The following ANTXR2 variants were observed in gnomAD, a reference collection of about 807,000 sequenced individuals.
ANTXR2 encodes ANTXR cell adhesion molecule 2, also known as anthrax toxin receptor 2.
Under a neutral mutation model 73.7 loss-of-function variants are expected in ANTXR2, and 44 were observed. The observed-to-expected ratio is 0.60, with a 90% CI of 0.47 to 0.77. The LOEUF is 0.77. Among genes scored for constraint, ANTXR2 ranks in the 30% least tolerant of loss-of-function variants. ANTXR2 has a pLI of 0.00. For missense variants in ANTXR2, 604 were observed against 592.5 expected (o/e 1.02, Z -0.20); for synonymous variants, 217 against 205.9 (o/e 1.05, Z -0.46).
At chr4:80,011,275 CTATCTA>C (rs1279018034) in intron 11 of ANTXR2, among the ~76,000 whole-genome samples, 7 of 21,606 alleles carry the variant, frequency 3.2e-4, no homozygotes, top group African/African-American at 6.6e-4. Context: ...GTCTTGCTAT[CTATCTA>C]TCTATCTATC....
At chr4:79,917,676 C>G (rs1342717229) in intron 16 of ANTXR2, among the ~76,000 whole-genome samples, 3 of 151,998 alleles carry the variant, frequency 2.0e-5, no homozygotes, top group African/African-American at 4.8e-5. Flanking sequence ...TACTAGTGAA[C>G]TAAAAATAAG....
intron 16 of ANTXR2, among the ~76,000 whole-genome samples, chr4:79,922,252 T>C (rs1007110921): frequency 2.0e-4 from 31 of 152,096 alleles, no homozygotes; most frequent in African/African-American, 7.5e-4. Flanking sequence ...CAGGGATTTA[T>C]ACTGTAAACA....
chr4:80,048,515 G>GT (rs1733627168), intron 7 of ANTXR2, among the ~76,000 whole-genome samples: 1 of 151,628 alleles, frequency 6.6e-6, no homozygotes, highest in Non-Finnish European at 1.5e-5. Context: ...TCCTATGAAT[G>GT]TATCTTTACA....
chr4:80,058,560 A>G (rs1352323973), intron 3 of ANTXR2, among the ~76,000 whole-genome samples: 1 of 152,030 alleles, frequency 6.6e-6, no homozygotes, highest in East Asian at 1.9e-4. Flanking sequence ...CAGACCCTTG[A>G]AGAATCCCAA....
chr4:79,962,929 C>T (rs1177301403), intron 16 of ANTXR2, among the ~76,000 whole-genome samples: 2 of 152,042 alleles, frequency 1.3e-5, no homozygotes, highest in Non-Finnish European at 2.9e-5. Flanking sequence ...CAGCATAATT[C>T]TAGGTACTGA....
intron 7 of ANTXR2, among the ~76,000 whole-genome samples, chr4:80,053,694 C>T (rs947012175): frequency 9.9e-5 from 15 of 151,646 alleles, no homozygotes; most frequent in African/African-American, 3.6e-4. Context: ...TTTTGCTTTG[C>T]ATTTCATCAC....
In ANTXR2 at chr4:80,067,903, T is replaced by C. The variant is rs1465976401; in HGVS notation, c.296+1533A>G. ...ATAGCTAATGCATGTGATGGGTTGA[T>C]AGATGCAGCAAACTACCACGGCACA... On this transcript the variant is annotated intron_variant, in intron 3 of 16. Transcript: ENST00000403729. 6.6e-5 allele frequency among the ~76,000 whole-genome samples: 10 copies of C among 152,336 alleles called. 1 individual carries two copies. Among genetic ancestry groups the C allele is most frequent in the Admixed American group, 1.3e-4 (2 of 15,304 alleles).
At chr4:79,962,441 C>T (rs566018682) in intron 16 of ANTXR2, among the ~76,000 whole-genome samples, 7 of 152,116 alleles carry the variant, frequency 4.6e-5, no homozygotes, top group South Asian at 2.1e-4. Context: ...ATTTTAAAGA[C>T]GCCCTGAAAG....
rs770332839 is a variant in ANTXR2, at chr4:80,036,041, G to T, written c.637-9C>A. 6 of 1,135,852 alleles carry T rather than the reference G, an allele frequency of 5.3e-6. No homozygotes were observed. Among genetic ancestry groups the T allele is most frequent in the South Asian group, 3.7e-5 (2 of 54,794 alleles). The allele number at this position is 1,135,852 out of a possible 1,614,324, so 70.4% of individuals were successfully genotyped here. On this transcript the variant is annotated splice_polypyrimidine_tract_variant and intron_variant, in intron 7 of 16. Coordinates refer to ENST00000403729, the MANE Select transcript of ANTXR2 (RefSeq NM_058172.6). ...CATGACTGAGCTAGTATCTAAAAAAGAAAAAAAAAAAAGATTACCAAGCTA... is the reference window on the plus strand; with the variant it reads ...CATGACTGAGCTAGTATCTAAAAAATAAAAAAAAAAAAGATTACCAAGCTA...
intron 7 of ANTXR2, among the ~76,000 whole-genome samples, chr4:80,052,085 T>C (rs536516524): frequency 1.3e-4 from 19 of 151,780 alleles, no homozygotes; most frequent in African/African-American, 4.3e-4. Flanking sequence ...ATATTCTGCC[T>C]TCATAGTGCC....
chr4:79,919,602 A>G (rs768246814), intron 16 of ANTXR2, among the ~76,000 whole-genome samples: 1 of 151,844 alleles, frequency 6.6e-6, no homozygotes, highest in African/African-American at 2.4e-5. Flanking sequence ...CATGCTGGAT[A>G]CTTCCTGCCC....
chr4:80,002,712 A>C (rs1422104606), intron 12 of ANTXR2, among the ~76,000 whole-genome samples: 3 of 152,146 alleles, frequency 2.0e-5, no homozygotes, highest in Non-Finnish European at 4.4e-5. Context: ...AAAAATTTAC[A>C]AGAAAAAAAC....
chr4:80,036,091 TA>T, intron 7 of ANTXR2, 59 bp from the exon 8 acceptor site: 1 of 1,344,866 alleles, frequency 7.4e-7, no homozygotes, highest in Non-Finnish European at 1.0e-6. Flanking sequence ...CAATGTGAAG[TA>T]AATTATAAGA....
intron 7 of ANTXR2, among the ~76,000 whole-genome samples, chr4:80,036,715 C>T (rs985937793): frequency 1.3e-5 from 2 of 151,956 alleles, no homozygotes; most frequent in Non-Finnish European, 2.9e-5. Context: ...GCAGGAGAAT[C>T]GCTTTAACAC....
At chr4:79,952,370 T>C (rs912430956) in intron 16 of ANTXR2, among the ~76,000 whole-genome samples, 3 of 151,732 alleles carry the variant, frequency 2.0e-5, no homozygotes, top group Admixed American at 6.6e-5. Flanking sequence ...TGTAATAAAT[T>C]CCTAGCAGGT....
chr4:80,033,845 C>T (rs1018648850), intron 8 of ANTXR2, among the ~76,000 whole-genome samples: 2 of 151,944 alleles, frequency 1.3e-5, no homozygotes, highest in East Asian at 3.9e-4. Context: ...AGGTATAGAA[C>T]AGAAGCATTA....
chr4:79,965,065 A>G (rs1435226683), intron 16 of ANTXR2: 1 of 137,454 alleles, frequency 7.3e-6, no homozygotes, highest in Non-Finnish European at 1.6e-5. Context: ...TTCTTCCACA[A>G]ACGTGCCCGG....
chr4:79,966,828 G>T lies in ANTXR2; in HGVS notation c.1428+10793C>A, dbSNP rs889500065. Among the ~76,000 whole-genome samples, 10 of 152,244 alleles carry T rather than the reference G, an allele frequency of 6.6e-5. No individual in the cohort carries two copies. In the East Asian group the frequency reaches 1.3e-3, roughly 21 times the overall value. ...TACCATGATTAAATGGCCTGTGATT[G>T]CTGCACATTCTTTTTGGCACAAGTT... is the stretch of plus-strand genomic sequence containing the variant. On this transcript the variant is annotated intron_variant, in intron 16 of 16. Coordinates refer to ENST00000403729, the MANE Select transcript of ANTXR2 (RefSeq NM_058172.6).
intron 7 of ANTXR2, among the ~76,000 whole-genome samples, chr4:80,038,019 G>A (rs1234121792): frequency 6.6e-6 from 1 of 152,008 alleles, no homozygotes; most frequent in Admixed American, 6.6e-5. Context: ...TAGTTATTTA[G>A]CCACAGCTTT....
Sources: allele counts gnomAD v4.1 joint callset (sites outside exome capture counted in the v4.1 genomes callset), GRCh38; gene constraint gnomAD v4.1.1; transcripts MANE v1.5; gene names NCBI Gene and HGNC (gene_info 2026-07-23, HGNC 2026-07-21).